NSUN6: variants seen among roughly 807,000 people sequenced by gnomAD.
The protein encoded by NSUN6 is NOP2/Sun RNA methyltransferase 6.
Under a neutral mutation model 58.0 loss-of-function variants are expected in NSUN6, and 64 were observed. The ratio of observed to expected loss-of-function variants is 1.10; its 90% CI spans 0.90 to 1.36. NSUN6 has a LOEUF of 1.36. Among genes scored for constraint, NSUN6 ranks in the 40% most tolerant of loss-of-function variants. The pLI is 0.00. For missense variants in NSUN6, 701 were observed against 550.1 expected (o/e 1.27, Z -2.74); for synonymous variants, 231 against 193.9 (o/e 1.19, Z -1.59).
intron 6 of NSUN6, among the ~76,000 whole-genome samples, chr10:18,608,236 A>C (rs538718105): frequency 6.6e-6 from 1 of 152,344 alleles, no homozygotes; most frequent in Admixed American, 6.5e-5. Context: ...ATATTTCATA[A>C]AGTCATCATT....
At chr10:18,651,673 T>C (rs2059711174), upstream of NSUN6, 5 of 985,736 alleles carry the variant, frequency 5.1e-6, no homozygotes, top group Non-Finnish European at 6.0e-6. Flanking sequence ...CACCCCTCCC[T>C]TTCCGGTCCC....
intron 8 of NSUN6, among the ~76,000 whole-genome samples, chr10:18,570,709 TATTCC>T (rs1466042771): frequency 2.1e-5 from 2 of 95,060 alleles, no homozygotes; most frequent in African/African-American, 8.0e-5. Context: ...TTCCATTCTC[TATTCC>T]ATTCCATTCT....
intron 8 of NSUN6, among the ~76,000 whole-genome samples, chr10:18,580,170 G>T (rs1389418175): frequency 6.6e-6 from 1 of 152,166 alleles, no homozygotes; most frequent in Admixed American, 6.5e-5. Context: ...ACCCTTTGAA[G>T]CCTCTGGAAA....
At chr10:18,586,321 C>T (rs2057137716) in intron 7 of NSUN6, among the ~76,000 whole-genome samples, 1 of 151,586 alleles carries the variant, frequency 6.6e-6, no homozygotes, top group African/African-American at 2.4e-5. Flanking sequence ...CAGACCCTTG[C>T]GATGAGTGTT....
intron 7 of NSUN6, among the ~76,000 whole-genome samples, chr10:18,594,431 G>GTTT (rs76334789): frequency 4.7e-5 from 7 of 149,896 alleles, no homozygotes; most frequent in South Asian, 2.1e-4. Flanking sequence ...GACACTTTCT[G>GTTT]TTTTTTTTTG....
At chr10:18,624,121 A>G (rs2058704359) in intron 3 of NSUN6, among the ~76,000 whole-genome samples, 1 of 152,170 alleles carries the variant, frequency 6.6e-6, no homozygotes, top group Non-Finnish European at 1.5e-5. Flanking sequence ...GTATTTTCAG[A>G]GAAATTAAAG....
At chr10:18,637,125 G>A (rs1441909871) in intron 3 of NSUN6, among the ~76,000 whole-genome samples, 6 of 151,910 alleles carry the variant, frequency 3.9e-5, no homozygotes, top group African/African-American at 1.2e-4. Context: ...ACCACACCCA[G>A]ATAATGTTTG....
At chr10:18,610,054 T>C in intron 5 of NSUN6, 128 bp from the exon 6 acceptor site, 2 of 655,192 alleles carry the variant, frequency 3.1e-6, no homozygotes, top group Non-Finnish European at 5.5e-6. Flanking sequence ...CTATTTTGGC[T>C]CAAGCCTGTA....
chr10:18,588,362 C>T (rs994080722), intron 7 of NSUN6, among the ~76,000 whole-genome samples: 1 of 152,196 alleles, frequency 6.6e-6, no homozygotes. Flanking sequence ...ATCTTTCCAG[C>T]CTGCGGGCTC....
At chr10:18,607,102 A>G (rs2058074598) in intron 6 of NSUN6, among the ~76,000 whole-genome samples, 1 of 152,228 alleles carries the variant, frequency 6.6e-6, no homozygotes, top group South Asian at 2.1e-4. Context: ...ATGATTTAAC[A>G]CTATTGAAAA....
intron 3 of NSUN6, among the ~76,000 whole-genome samples, chr10:18,622,153 T>C (rs890157256): frequency 6.6e-6 from 1 of 152,018 alleles, no homozygotes; most frequent in Non-Finnish European, 1.5e-5. Context: ...CCGAACTCAA[T>C]GTGATGGTAT....
chr10:18,645,967 C>T (rs181008803), intron 2 of NSUN6, among the ~76,000 whole-genome samples: 47 of 152,160 alleles, frequency 3.1e-4, no homozygotes, highest in South Asian at 1.5e-3. Flanking sequence ...AGCCAAGGCA[C>T]GCAGATCACT....
chr10:18,589,972 A>C (rs557131634), intron 7 of NSUN6, among the ~76,000 whole-genome samples: 4 of 152,306 alleles, frequency 2.6e-5, no homozygotes, highest in South Asian at 4.1e-4. Context: ...TAAACTGGAT[A>C]AAGAGTCAAG....
At chr10:18,549,094 A>C (rs1325532595) in intron 9 of NSUN6, among the ~76,000 whole-genome samples, 2 of 152,100 alleles carry the variant, frequency 1.3e-5, no homozygotes, top group Admixed American at 1.3e-4. Context: ...AGTCCTTTTA[A>C]GCTTGTCTCT....
At chr10:18,585,905 T>C (rs1331219920) in intron 8 of NSUN6, 44 bp downstream of exon 8, 1 of 1,452,088 alleles carries the variant, frequency 6.9e-7, no homozygotes, top group African/African-American at 1.4e-5. Context: ...ATGCCACAAA[T>C]ATATGATCTG....
At chr10:18,655,886 A>T (rs2059771966), upstream of NSUN6, among the ~76,000 whole-genome samples, 1 of 152,162 alleles carries the variant, frequency 6.6e-6, no homozygotes, top group Admixed American at 6.6e-5. Context: ...TGAGCCCTAA[A>T]CTACAGAAGA....
At chr10:18,649,628 A>C (rs79719589) in intron 1 of NSUN6, among the ~76,000 whole-genome samples, 5 of 105,342 alleles carry the variant, frequency 4.7e-5, no homozygotes, top group African/African-American at 1.6e-4. Context: ...ACCCTGTCTC[A>C]AAAAAAAAAA....
At chr10:18,566,524 A>G (rs2055964042) in intron 8 of NSUN6, among the ~76,000 whole-genome samples, 1 of 144,114 alleles carries the variant, frequency 6.9e-6, no homozygotes, top group Admixed American at 7.0e-5. Context: ...ATTCCACTCC[A>G]TTCTACATTC....
At chr10:18,610,019 A>C in intron 5 of NSUN6, 93 bp from the exon 6 acceptor site, 1 of 775,754 alleles carries the variant, frequency 1.3e-6, no homozygotes, top group East Asian at 2.6e-5. Flanking sequence ...CCTGTCAAAC[A>C]TAAGATGCTC....
Sources: gnomAD v4.1 joint callset for allele counts (sites outside exome capture counted in the v4.1 genomes callset) on GRCh38, gnomAD v4.1.1 for gene constraint, MANE v1.5 for transcripts, NCBI Gene and HGNC (gene_info 2026-07-23, HGNC 2026-07-21) for gene names.